Variants in PITPNC1 observed in about 807,000 individuals in gnomAD.
The protein encoded by PITPNC1 is cytoplasmic phosphatidylinositol transfer protein 1.
A neutral mutation model predicts 44.7 loss-of-function variants in PITPNC1; 18 were observed. That is an observed-to-expected ratio of 0.40 (90% confidence interval 0.28 to 0.60). The LOEUF is 0.60. PITPNC1 is among the 20% of genes least tolerant of loss of function. The pLI is 0.39. For missense variants in PITPNC1, 290 were observed against 418.4 expected (o/e 0.69, Z 2.68); for synonymous variants, 141 against 149.6 (o/e 0.94, Z 0.42).
At chr17:67,601,112 G>A (rs111257551) in intron 5 of PITPNC1, among the ~76,000 whole-genome samples, 5 of 152,222 alleles carry the variant, frequency 3.3e-5, no homozygotes, top group African/African-American at 1.2e-4. Context: ...ACCCCAAGCA[G>A]CCTGGATACC....
At chr17:67,498,178 A>G (rs1306879436) in intron 1 of PITPNC1, among the ~76,000 whole-genome samples, 1 of 152,090 alleles carries the variant, frequency 6.6e-6, no homozygotes, top group Non-Finnish European at 1.5e-5. Flanking sequence ...CCTCTATCTT[A>G]TGTTTATTAT....
chr17:67,425,267 G>GA (rs2038746059), intron 1 of PITPNC1, among the ~76,000 whole-genome samples: 1 of 85,224 alleles, frequency 1.2e-5, no homozygotes, highest in African/African-American at 3.9e-5. Flanking sequence ...ACACACAGAG[G>GA]GAGAGAGAGA....
chr17:67,439,702 T>G (rs1370756678), intron 1 of PITPNC1, among the ~76,000 whole-genome samples: 2 of 152,214 alleles, frequency 1.3e-5, no homozygotes, highest in Non-Finnish European at 2.9e-5. Context: ...TTAAGCTAAT[T>G]AACATATCTC....
rs145446940 is a variant in PITPNC1 at position 67,688,974 on chromosome 17, G to A, written c.683-3598G>A. Among the ~76,000 whole-genome samples the A allele has an allele frequency of 3.4e-3, 511 of 152,308 alleles. 3 individuals carry two copies. Among genetic ancestry groups the A allele is most frequent in the African/African-American group, 0.012 (493 of 41,578 alleles). On this transcript the variant is annotated intron_variant, in intron 8 of 8. Transcript: ENST00000581322. ...TCCCAGCACTTTGGGATGCCAAGGC[G>A]GGCGTATCACCTGAGGTCGGGAGTT...
At chr17:67,379,406 A>G (rs1339357363) in intron 1 of PITPNC1, 2 of 980,962 alleles carry the variant, frequency 2.0e-6, no homozygotes, top group African/African-American at 1.7e-5. Flanking sequence ...AGACCCAAGT[A>G]CAATCCAAGA....
chr17:67,522,160 C>T (rs557785102), intron 1 of PITPNC1, among the ~76,000 whole-genome samples: 1 of 152,128 alleles, frequency 6.6e-6, no homozygotes, highest in Non-Finnish European at 1.5e-5. Flanking sequence ...AAAAATTAGC[C>T]GGGCGTGGTG....
At chr17:67,379,218 G>A (rs2037920654) in intron 1 of PITPNC1, 1 of 985,702 alleles carries the variant, frequency 1.0e-6, no homozygotes, top group African/African-American at 1.7e-5. Context: ...CATGAAATCA[G>A]CCACCCAGAC....
At chr17:67,411,060 T>G (rs2038488634) in intron 1 of PITPNC1, among the ~76,000 whole-genome samples, 1 of 142,986 alleles carries the variant, frequency 7.0e-6, no homozygotes, top group African/African-American at 2.7e-5. Context: ...CCAGCCTGGG[T>G]GACAGAGTGA....
chr17:67,417,123 C>T (rs1227277716), intron 1 of PITPNC1, among the ~76,000 whole-genome samples: 2 of 151,854 alleles, frequency 1.3e-5, no homozygotes, highest in African/African-American at 2.4e-5. Context: ...CAACATTCAG[C>T]ATTCTCTTAA....
intron 1 of PITPNC1, among the ~76,000 whole-genome samples, chr17:67,465,781 T>C (rs1438473714): frequency 1.3e-5 from 2 of 152,070 alleles, no homozygotes; most frequent in Non-Finnish European, 2.9e-5. Context: ...ATCAACCAAA[T>C]ACTCCCAAAA....
intron 8 of PITPNC1, chr17:67,687,207 G>T (rs781722734): frequency 8.0e-7 from 1 of 1,248,080 alleles, no homozygotes; most frequent in East Asian, 2.3e-5. Flanking sequence ...TTTAAAACAT[G>T]TTGCCCACCC....
At chr17:67,674,283 T>G (rs1285549153) in intron 7 of PITPNC1, among the ~76,000 whole-genome samples, 1 of 152,062 alleles carries the variant, frequency 6.6e-6, no homozygotes, top group Non-Finnish European at 1.5e-5. Context: ...ACAGGTGAAC[T>G]GCTCGAGGCC....
intron 1 of PITPNC1, among the ~76,000 whole-genome samples, chr17:67,436,914 T>G (rs954823794): frequency 6.6e-5 from 8 of 120,302 alleles, no homozygotes; most frequent in East Asian, 6.5e-4. Context: ...GGGTGTTTTT[T>G]TTTTTTTTTT....
At chr17:67,461,011 G>A (rs1184304534) in intron 1 of PITPNC1, among the ~76,000 whole-genome samples, 1 of 152,154 alleles carries the variant, frequency 6.6e-6, no homozygotes, top group Non-Finnish European at 1.5e-5. Context: ...AGAGTGCTGG[G>A]ATTGTACAGG....
intron 1 of PITPNC1, among the ~76,000 whole-genome samples, chr17:67,463,383 G>T (rs778733109): frequency 6.6e-6 from 1 of 152,040 alleles, no homozygotes; most frequent in Non-Finnish European, 1.5e-5. Flanking sequence ...ACATGCAGTT[G>T]TGGCAATATT....
Position 67,385,656 on chromosome 17 carries a change from G to A in PITPNC1, c.48+7454G>A, listed in dbSNP as rs141237265. ...GCGGCTTCATTCTTGAAGTGAGCGA[G>A]ACCAAGAACCCACCGGAAGGAACCA... On this transcript the variant is annotated intron_variant, in intron 1 of 8. Transcript: ENST00000581322. Among the ~76,000 whole-genome samples the A allele has an allele frequency of 8.1e-3, 1,231 of 152,242 alleles. 8 individuals carry two copies. Among genetic ancestry groups the A allele is most frequent in the Non-Finnish European group, 0.013 (891 of 68,032 alleles).
chr17:67,678,690 C>T (rs868453675), intron 8 of PITPNC1, among the ~76,000 whole-genome samples: 2 of 152,220 alleles, frequency 1.3e-5, no homozygotes, highest in Admixed American at 6.5e-5. Flanking sequence ...CACAGAGTGC[C>T]TTCTCAGTCC....
intron 5 of PITPNC1, among the ~76,000 whole-genome samples, chr17:67,582,611 G>C (rs889196980): frequency 2.0e-5 from 3 of 151,680 alleles, no homozygotes; most frequent in African/African-American, 7.3e-5. Flanking sequence ...GTGGCAGTAT[G>C]AGTAAATATC....
At chr17:67,548,540 G>A (rs570844586) in intron 2 of PITPNC1, among the ~76,000 whole-genome samples, 3 of 152,152 alleles carry the variant, frequency 2.0e-5, no homozygotes, top group South Asian at 2.1e-4. Context: ...GCAGTGAGCC[G>A]AGATTGTGCC....
Sources: allele counts gnomAD v4.1 joint callset (sites outside exome capture counted in the v4.1 genomes callset), GRCh38; gene constraint gnomAD v4.1.1; transcripts MANE v1.5; gene names NCBI Gene and HGNC (gene_info 2026-07-23, HGNC 2026-07-21).